The following MAGI2 variants were observed in gnomAD, a reference collection of about 807,000 sequenced individuals.
The protein encoded by MAGI2 is membrane-associated guanylate kinase, WW and PDZ domain-containing protein 2.
A neutral mutation model predicts 133.3 loss-of-function variants in MAGI2; 35 were observed. The observed-to-expected ratio is 0.26, with a 90% CI of 0.20 to 0.35. The LOEUF is 0.35. MAGI2 is among the 10% of genes least tolerant of loss of function. MAGI2 has a pLI of 1.00. For missense variants in MAGI2, 1,636 were observed against 1,863.4 expected, an observed-to-expected ratio of 0.88 and a Z score of 2.25; for synonymous variants, 729 against 710.6, an observed-to-expected ratio of 1.03 and a Z score of -0.41.
At chr7:78,741,376 AACACACACACACACAC>A (rs55784786) in intron 2 of MAGI2, among the ~76,000 whole-genome samples, 89 of 117,546 alleles carry the variant, frequency 7.6e-4, no homozygotes, top group South Asian at 1.4e-3. Context: ...AAAAAGTTGA[AACACACACACACACAC>A]ACACACACAC....
intron 1 of MAGI2, among the ~76,000 whole-genome samples, chr7:79,032,840 A>G (rs1162207770): frequency 6.6e-6 from 1 of 151,840 alleles, no homozygotes; most frequent in Non-Finnish European, 1.5e-5. Flanking sequence ...AAACTTTTCT[A>G]AAATCTGAAA....
intron 2 of MAGI2, among the ~76,000 whole-genome samples, chr7:78,848,728 G>T (rs1792860946): frequency 1.3e-5 from 2 of 151,906 alleles, no homozygotes; most frequent in South Asian, 4.1e-4. Flanking sequence ...CTAGTTTCAA[G>T]GCTATTTTTC....
chr7:78,838,238 A>G (rs1791827258), intron 2 of MAGI2, among the ~76,000 whole-genome samples: 1 of 152,034 alleles, frequency 6.6e-6, no homozygotes, highest in Non-Finnish European at 1.5e-5. Flanking sequence ...TGTTTTTTTC[A>G]TGAATGTAAA....
At chr7:78,812,289 C>T (rs907538133) in intron 2 of MAGI2, among the ~76,000 whole-genome samples, 2 of 152,106 alleles carry the variant, frequency 1.3e-5, no homozygotes, top group East Asian at 1.9e-4. Context: ...AAAACTAATA[C>T]AGGTTGTAAA....
At chr7:78,479,426 C>A (rs1792127769) in intron 6 of MAGI2, among the ~76,000 whole-genome samples, 1 of 151,846 alleles carries the variant, frequency 6.6e-6, no homozygotes, top group Non-Finnish European at 1.5e-5. Flanking sequence ...TCCTACAGAT[C>A]CAGTGTCTAA....
intron 2 of MAGI2, among the ~76,000 whole-genome samples, chr7:78,958,497 A>AT: frequency 6.6e-6 from 1 of 152,182 alleles, no homozygotes; most frequent in Non-Finnish European, 1.5e-5. Flanking sequence ...ATCATAACTC[A>AT]ATGAAAATTG....
intron 1 of MAGI2, among the ~76,000 whole-genome samples, chr7:79,106,677 C>G (rs1331751834): frequency 1.3e-5 from 2 of 152,126 alleles, no homozygotes; most frequent in East Asian, 3.9e-4. Context: ...AAGATAATTT[C>G]TATACACTGA....
At chr7:79,109,025 C>T (rs1818685924) in intron 1 of MAGI2, among the ~76,000 whole-genome samples, 1 of 152,210 alleles carries the variant, frequency 6.6e-6, no homozygotes, top group African/African-American at 2.4e-5. Flanking sequence ...GCTTCCTGTA[C>T]AGCCTGCAGA....
intron 3 of MAGI2, among the ~76,000 whole-genome samples, chr7:78,587,280 A>C (rs1180960649): frequency 1.3e-5 from 2 of 151,990 alleles, no homozygotes; most frequent in African/African-American, 4.8e-5. Context: ...CTCTTTTGAT[A>C]ATAGTCACCC....
intron 1 of MAGI2, among the ~76,000 whole-genome samples, chr7:79,319,583 C>A (rs1839014091): frequency 6.6e-6 from 1 of 152,116 alleles, no homozygotes; most frequent in African/African-American, 2.4e-5. Context: ...TAGTCATCAT[C>A]TCAACCCTTG....
chr7:78,663,356 G>A (rs575861282), intron 2 of MAGI2, among the ~76,000 whole-genome samples: 17 of 151,852 alleles, frequency 1.1e-4, no homozygotes, highest in South Asian at 2.1e-4. Flanking sequence ...ATAGGCACGC[G>A]CTACCACACA....
chr7:78,704,084 A>G (rs945123826), intron 2 of MAGI2, among the ~76,000 whole-genome samples: 2 of 152,170 alleles, frequency 1.3e-5, no homozygotes, highest in Non-Finnish European at 2.9e-5. Context: ...GGACCTAATT[A>G]AACTAAAGAG....
chr7:79,236,759 C>T (rs1397568307), intron 1 of MAGI2, among the ~76,000 whole-genome samples: 1 of 152,192 alleles, frequency 6.6e-6, no homozygotes, highest in Non-Finnish European at 1.5e-5. Context: ...AAAACAAACA[C>T]TTAAAACTTA....
rs1227871696 is a variant in MAGI2 at position 78,881,960 on chromosome 7, A to C, written c.418+125130T>G. Among the ~76,000 whole-genome samples, 5 of 151,538 alleles carry C rather than the reference A, an allele frequency of 3.3e-5. No homozygotes were observed. The East Asian group carries it at 9.7e-4, about 29-fold the overall frequency. The stretch of plus-strand genomic sequence containing the variant: ...AAAGAAAAAACAAAACTAAAATCAG[A>C]GCAAAACTGAATGAAATGGAGACCC... On this transcript the variant is annotated intron_variant, in intron 2 of 21. Transcript: ENST00000354212.
At chr7:78,043,173 A>G (rs1811034291) in intron 21 of MAGI2, among the ~76,000 whole-genome samples, 1 of 152,256 alleles carries the variant, frequency 6.6e-6, no homozygotes, top group South Asian at 2.1e-4. Flanking sequence ...ATTATTTAAT[A>G]TGCATATAGA....
At chr7:78,206,792 C>T (rs1331656074) in intron 10 of MAGI2, among the ~76,000 whole-genome samples, 1 of 152,152 alleles carries the variant, frequency 6.6e-6, no homozygotes, top group Non-Finnish European at 1.5e-5. Context: ...ATAGGGGATT[C>T]TGCAGTTACT....
intron 2 of MAGI2, among the ~76,000 whole-genome samples, chr7:78,669,379 T>G (rs1263125898): frequency 5.3e-5 from 8 of 151,966 alleles, no homozygotes; most frequent in Non-Finnish European, 8.8e-5. Context: ...AGGAAGAAGT[T>G]GAATCTCTGA....
chr7:79,453,221 C>G lies in MAGI2; in HGVS notation c.100G>C (p.Gly34Arg), dbSNP rs755443756. The G allele has an allele frequency of 2.5e-6, 4 of 1,613,856 alleles. No homozygotes were observed. The highest frequency in any genetic ancestry group is 1.7e-6 in the Non-Finnish European group (2 of 1,180,044). Reference protein sequence around the residue: ...PEGQLGFELKGGAENGQFPYL... With the variant: ...PEGQLGFELKRGAENGQFPYL... ...GGGAACTGTCCATTCTCGGCGCCCC[C>G]CTTCAGTTCAAAGCCCAGCTGGCCC... Residue 34 changes from glycine to arginine, a missense_variant, in exon 1 of 22, where the codon GGG (glycine) becomes CGG (arginine). By Grantham distance (125) the Gly-to-Arg change is moderately radical. This residue lies in a region of MAGI2 where 148 missense variants were observed against 239.0 expected (regional missense o/e 0.62). Transcript: ENST00000354212.
intron 1 of MAGI2, among the ~76,000 whole-genome samples, chr7:79,370,310 T>C (rs1242787053): frequency 6.6e-6 from 1 of 152,130 alleles, no homozygotes; most frequent in Non-Finnish European, 1.5e-5. Flanking sequence ...CCTTACTGTA[T>C]TAGATAATCT....
Sources: allele counts gnomAD v4.1 joint callset (sites outside exome capture counted in the v4.1 genomes callset), GRCh38; gene constraint gnomAD v4.1.1; regional missense constraint gnomAD v4.1.1; transcripts MANE v1.5; gene names NCBI Gene and HGNC (gene_info 2026-07-23, HGNC 2026-07-21).